Variants in SLIT3 observed in about 807,000 individuals in gnomAD.
The protein encoded by SLIT3 is slit guidance ligand 3.
In SLIT3, 68 loss-of-function variants were observed where a neutral mutation model predicts 184.0. The observed-to-expected ratio is 0.37, with a 90% CI of 0.30 to 0.45. The LOEUF is 0.45. SLIT3 is among the 20% of genes least tolerant of loss of function. SLIT3 has a pLI of 1.00. For synonymous variants in SLIT3, 831 were observed against 828.6 expected (o/e 1.00, Z -0.05); for missense variants, 1,707 against 2,026.0 (o/e 0.84, Z 3.02).
chr5:169,238,563 T>TTTTA (rs10696194), intron 3 of SLIT3, among the ~76,000 whole-genome samples: 1 of 147,110 alleles, frequency 6.8e-6, no homozygotes, highest in African/African-American at 2.5e-5. Flanking sequence ...TTTTTTTTTT[T>TTTTA]AAGATTTAAG....
chr5:169,170,174 C>T (rs1019783454), intron 4 of SLIT3, among the ~76,000 whole-genome samples: 1 of 152,190 alleles, frequency 6.6e-6, no homozygotes, highest in Admixed American at 6.5e-5. Context: ...CACCTCATGC[C>T]GCCTCCACAC....
intron 4 of SLIT3, among the ~76,000 whole-genome samples, chr5:168,953,815 G>T (rs1001809729): frequency 6.6e-6 from 1 of 152,140 alleles, no homozygotes; most frequent in African/African-American, 2.4e-5. Flanking sequence ...GGGAATTGGG[G>T]CAACAGAATC....
intron 1 of SLIT3, among the ~76,000 whole-genome samples, chr5:169,258,681 G>C (rs1249582285): frequency 1.3e-5 from 2 of 152,204 alleles, no homozygotes; most frequent in Non-Finnish European, 2.9e-5. Context: ...GGGTGGGGTA[G>C]GGAGAAAGAA....
chr5:168,696,466 A>AG (rs1394755720), intron 27 of SLIT3, 35 bp from the exon 28 acceptor site: 6 of 1,612,486 alleles, frequency 3.7e-6, no homozygotes, highest in African/African-American at 2.7e-5. Flanking sequence ...CAGGGGAGTC[A>AG]GGGGTCAGGG....
intron 8 of SLIT3, among the ~76,000 whole-genome samples, 170 bp from the exon 9 acceptor site, chr5:168,806,757 T>C (rs1756978002): frequency 6.6e-6 from 1 of 152,178 alleles, no homozygotes; most frequent in African/African-American, 2.4e-5. Flanking sequence ...ACAGGCTAAA[T>C]ATTCAGCAAA....
At chr5:169,029,236 T>G (rs1165319673) in intron 4 of SLIT3, among the ~76,000 whole-genome samples, 5 of 152,220 alleles carry the variant, frequency 3.3e-5, no homozygotes, top group African/African-American at 1.2e-4. Context: ...TTCTGAGTGA[T>G]TGCACCACTT....
intron 4 of SLIT3, among the ~76,000 whole-genome samples, chr5:169,125,576 TGAGG>T (rs1282321924): frequency 1.3e-5 from 2 of 152,160 alleles, no homozygotes; most frequent in African/African-American, 2.4e-5. Context: ...GCCTTCACCG[TGAGG>T]GAGGTCCCTG....
At chr5:168,895,848 A>G (rs954013200) in intron 4 of SLIT3, among the ~76,000 whole-genome samples, 1 of 118,720 alleles carries the variant, frequency 8.4e-6, no homozygotes, top group Non-Finnish European at 1.8e-5. Context: ...CTAATAATTA[A>G]TCCCAGACCT....
chr5:169,209,755 A>G (rs1037445966), intron 3 of SLIT3, among the ~76,000 whole-genome samples: 6 of 152,116 alleles, frequency 3.9e-5, no homozygotes, highest in Non-Finnish European at 7.4e-5. Flanking sequence ...ACGAGAACAC[A>G]TGGACATAGC....
chr5:168,839,881 A>G (rs2113704754), intron 6 of SLIT3, among the ~76,000 whole-genome samples: 1 of 152,246 alleles, frequency 6.6e-6, no homozygotes, highest in Non-Finnish European at 1.5e-5. Flanking sequence ...GTTACCGCCA[A>G]CTTGCTGCTG....
chr5:168,713,158 T>C (rs965236842), intron 23 of SLIT3, among the ~76,000 whole-genome samples: 2 of 152,182 alleles, frequency 1.3e-5, no homozygotes, highest in African/African-American at 4.8e-5. Context: ...GGAAACGGCT[T>C]TGGCATCAGC....
At chr5:168,853,348 A>C (rs1454955725) in intron 5 of SLIT3, among the ~76,000 whole-genome samples, 2 of 152,206 alleles carry the variant, frequency 1.3e-5, no homozygotes, top group African/African-American at 4.8e-5. Flanking sequence ...GCAAAATTTA[A>C]TCTCATTTCT....
chr5:169,301,096 G>A lies in SLIT3; in HGVS notation c.-387C>T, dbSNP rs1561794918. The stretch of plus-strand genomic sequence containing the variant: ...GCGCGGCGGCTGCGGCTGGGGCACG[G>A]GGCGGCCGGGTGAGCTGGCCGGCGC... On this transcript the variant is annotated 5_prime_UTR_variant, in exon 1 of 36. Coordinates refer to ENST00000519560, the MANE Select transcript of SLIT3 (RefSeq NM_003062.4). 1 of 153,472 alleles carries A rather than the reference G, an allele frequency of 6.5e-6. No homozygotes were observed. The highest frequency in any genetic ancestry group is 2.4e-5 in the African/African-American group (1 of 41,418). 9.5% of individuals were successfully genotyped at this position (153,472 alleles called of 1,614,324 possible).
At chr5:168,929,841 C>T (rs575817747) in intron 4 of SLIT3, among the ~76,000 whole-genome samples, 3 of 152,214 alleles carry the variant, frequency 2.0e-5, no homozygotes, top group Non-Finnish European at 4.4e-5. Context: ...ATGGCGTGGG[C>T]CGGCCTCCAC....
At chr5:169,183,164 T>C (rs1416379080) in intron 4 of SLIT3, among the ~76,000 whole-genome samples, 9 of 152,216 alleles carry the variant, frequency 5.9e-5, no homozygotes, top group Non-Finnish European at 1.0e-4. Flanking sequence ...AACAATACTT[T>C]AGTTGTCCCT....
rs539781662 is a variant in SLIT3 at position 168,763,437 on chromosome 5, G to T, written c.1460-748C>A. Among the ~76,000 whole-genome samples the T allele has an allele frequency of 5.3e-5, 8 of 152,208 alleles. No homozygotes were observed. In the South Asian group the frequency reaches 1.5e-3, roughly 28 times the overall value. On this transcript the variant is annotated intron_variant, in intron 14 of 35. Coordinates refer to ENST00000519560, the MANE Select transcript of SLIT3 (RefSeq NM_003062.4). The stretch of plus-strand genomic sequence containing the variant: ...GTAATAAATTCCAATTTAAAATGCC[G>T]CGAGGACGAGCAAATTGTATCTGAG...
chr5:168,713,521 C>A (rs1326843398), intron 23 of SLIT3, among the ~76,000 whole-genome samples: 1 of 152,190 alleles, frequency 6.6e-6, no homozygotes, highest in Non-Finnish European at 1.5e-5. Flanking sequence ...CTGATGGGCA[C>A]CATCACCTGT....
At chr5:168,802,196 T>C (rs1000843014) in intron 9 of SLIT3, among the ~76,000 whole-genome samples, 3 of 151,272 alleles carry the variant, frequency 2.0e-5, no homozygotes, top group African/African-American at 7.3e-5. Context: ...ATAAATCAGA[T>C]AACTCCTATT....
chr5:168,875,090 A>G, intron 5 of SLIT3, among the ~76,000 whole-genome samples: 1 of 149,476 alleles, frequency 6.7e-6, no homozygotes, highest in Non-Finnish European at 1.5e-5. Context: ...AGGGGGAGGA[A>G]AGAAGGGAGG....
Sources: gnomAD v4.1 joint callset for allele counts (sites outside exome capture counted in the v4.1 genomes callset) on GRCh38, gnomAD v4.1.1 for gene constraint, MANE v1.5 for transcripts, NCBI Gene and HGNC (gene_info 2026-07-23, HGNC 2026-07-21) for gene names.